Variants in TMEM161B observed in about 807,000 individuals in gnomAD.
TMEM161B encodes transmembrane protein 161B.
TMEM161B carries 34 observed loss-of-function variants against 61.8 expected under a neutral mutation model. The observed-to-expected ratio is 0.55, with a 90% CI of 0.42 to 0.73. TMEM161B has a LOEUF of 0.73. TMEM161B is among the 30% of genes least tolerant of loss of function. The pLI, the probability that TMEM161B is intolerant of heterozygous loss-of-function variation, is 0.00. For synonymous variants in TMEM161B, 167 were observed against 192.8 expected, an observed-to-expected ratio of 0.87 and a Z score of 1.11; for missense variants, 456 against 558.5, an observed-to-expected ratio of 0.82 and a Z score of 1.85.
downstream of TMEM161B, among the ~76,000 whole-genome samples, chr5:88,185,866 C>CA (rs1748334957): frequency 6.6e-6 from 1 of 152,020 alleles, no homozygotes; most frequent in South Asian, 2.1e-4. Context: ...TCAAACAGAC[C>CA]AAAAAATGTT....
chr5:88,214,908 G>A (rs528320668), intron 5 of TMEM161B, among the ~76,000 whole-genome samples: 10 of 152,334 alleles, frequency 6.6e-5, no homozygotes, highest in African/African-American at 2.2e-4. Context: ...GATGACAAGA[G>A]AAGACTCAGT....
intron 5 of TMEM161B, among the ~76,000 whole-genome samples, chr5:88,218,644 C>T (rs1467538310): frequency 6.6e-6 from 1 of 152,042 alleles, no homozygotes; most frequent in Admixed American, 6.6e-5. Context: ...GATGTGATTG[C>T]ACCACTGCAC....
chr5:88,268,765 C>A lies in TMEM161B; in HGVS notation c.-42G>T. 1 of 1,613,850 alleles carries A rather than the reference C, an allele frequency of 6.2e-7. No individual in the cohort carries two copies. Among genetic ancestry groups the A allele is most frequent in the East Asian group, 2.2e-5 (1 of 44,822 alleles). On this transcript the variant is annotated 5_prime_UTR_variant, in exon 1 of 12. Transcript: ENST00000296595. The stretch of plus-strand genomic sequence containing the variant: ...CGTGGACCAGACACCCTGGAGTTGC[C>A]GGGGCAGTCCCAAACCTCTTACCTC...
downstream of TMEM161B, among the ~76,000 whole-genome samples, chr5:88,187,388 T>C (rs1748411195): frequency 6.6e-6 from 1 of 152,094 alleles, no homozygotes; most frequent in Admixed American, 6.5e-5. Context: ...ATTTGGATTG[T>C]GTTGAATTTA....
At chr5:88,194,191 T>G (rs1355440400), downstream of TMEM161B, among the ~76,000 whole-genome samples, 1 of 152,160 alleles carries the variant, frequency 6.6e-6, no homozygotes, top group African/African-American at 2.4e-5. Context: ...GTTTCCATTT[T>G]TATTTCCATG....
rs763171444 is a variant in TMEM161B at position 88,202,930 on chromosome 5, A to AT, written c.914+31dup. 2.6e-5 allele frequency: 36 copies of AT among 1,383,458 alleles called. No homozygotes were observed. In the East Asian group the frequency reaches 2.8e-4, roughly 11 times the overall value. 85.7% of individuals were successfully genotyped at this position (1,383,458 alleles called of 1,614,324 possible). A position where few individuals can be genotyped will look rare whatever the true frequency, so the allele number is the denominator to read the frequency against. The stretch of plus-strand genomic sequence containing the variant: ...AACATTTAGTAAAGCAGTTTTGGTG[A>AT]TAAAAATCAGCCCTCAAATGCCCAT... On this transcript the variant is annotated intron_variant, in intron 9 of 11. Coordinates refer to ENST00000296595, the MANE Select transcript of TMEM161B (RefSeq NM_153354.5).
At chr5:88,206,337 A>T in intron 7 of TMEM161B, 102 bp downstream of exon 7, 1 of 977,034 alleles carries the variant, frequency 1.0e-6, no homozygotes, top group Non-Finnish European at 1.5e-6. Context: ...AGTCCAACTT[A>T]AAACTCTTTA....
intron 1 of TMEM161B, among the ~76,000 whole-genome samples, 171 bp from the exon 2 acceptor site, chr5:88,241,087 A>C (rs1752659675): frequency 6.6e-6 from 1 of 151,872 alleles, no homozygotes; most frequent in Non-Finnish European, 1.5e-5. Flanking sequence ...GCAGATCAAA[A>C]ATATGCAGGA....
intron 8 of TMEM161B, among the ~76,000 whole-genome samples, chr5:88,204,416 C>A (rs1273791644): frequency 1.3e-5 from 2 of 152,140 alleles, no homozygotes; most frequent in African/African-American, 4.8e-5. Flanking sequence ...CTCCAACCAC[C>A]ACCAAATGCT....
In TMEM161B at chr5:88,228,534, C is replaced by CA. The variant is rs750256599; in HGVS notation, c.108-7dup. ...GATGTTGATACCACCTCAAACTAAG[C>CA]AAAAAAAGAATTCTTTTAAATAAAG... On this transcript the variant is annotated splice_region_variant and splice_polypyrimidine_tract_variant and intron_variant, in intron 2 of 11. Transcript: ENST00000296595. 5 of 1,574,088 alleles carry CA rather than the reference C, an allele frequency of 3.2e-6. No individual in the cohort carries two copies. Among genetic ancestry groups the CA allele is most frequent in the Middle Eastern group, 1.7e-4 (1 of 5,922 alleles).
intron 5 of TMEM161B, among the ~76,000 whole-genome samples, chr5:88,218,957 T>C (rs987122084): frequency 8.4e-6 from 1 of 119,324 alleles, no homozygotes; most frequent in African/African-American, 2.6e-5. Context: ...ACATAGAATA[T>C]CTTTAAAAAG....
At chr5:88,212,229 T>C (rs904437034) in intron 5 of TMEM161B, among the ~76,000 whole-genome samples, 8 of 152,092 alleles carry the variant, frequency 5.3e-5, no homozygotes, top group African/African-American at 1.7e-4. Flanking sequence ...AGAAAGAGTA[T>C]AAAATTAAAA....
At position 88,268,792 on chromosome 5, in the gene TMEM161B, C is replaced by T. The variant is rs1396263696; in HGVS notation, c.-69G>A. ...GGGCAGTCCCAAACCTCTTACCTCC[C>T]GGTCCTTGAGCCGAGAGACTCTCAA... On this transcript the variant is annotated 5_prime_UTR_variant, in exon 1 of 12. Transcript: ENST00000296595. 6.2e-7 allele frequency: 1 copy of T among 1,612,402 alleles called. No homozygotes were observed. Among genetic ancestry groups the T allele is most frequent in the Non-Finnish European group, 8.5e-7 (1 of 1,179,014 alleles).
chr5:88,201,972 G>T (rs1744493290), intron 9 of TMEM161B: 2 of 346,878 alleles, frequency 5.8e-6, no homozygotes, highest in Non-Finnish European at 1.2e-5. Flanking sequence ...CGGAGTCAAT[G>T]ACTAGTCAAG....
intron 5 of TMEM161B, among the ~76,000 whole-genome samples, chr5:88,209,875 C>A (rs1246539547): frequency 6.6e-6 from 1 of 152,186 alleles, no homozygotes. Flanking sequence ...CTTCCCTCCT[C>A]CTACCCAATC....
downstream of TMEM161B, among the ~76,000 whole-genome samples, chr5:88,186,193 G>A (rs1044936514): frequency 6.6e-6 from 1 of 152,210 alleles, no homozygotes; most frequent in African/African-American, 2.4e-5. Flanking sequence ...GCACTTTTAA[G>A]AATATAACAC....
intron 5 of TMEM161B, among the ~76,000 whole-genome samples, chr5:88,214,449 T>C (rs1747439442): frequency 6.6e-6 from 1 of 151,722 alleles, no homozygotes; most frequent in African/African-American, 2.4e-5. Context: ...GAAAGATTCT[T>C]GGGAAAAAAA....
chr5:88,245,377 C>T (rs1260391666), intron 1 of TMEM161B, among the ~76,000 whole-genome samples: 1 of 151,820 alleles, frequency 6.6e-6, no homozygotes, highest in Non-Finnish European at 1.5e-5. Flanking sequence ...CTCTTTCAGG[C>T]AGAACAAGAC....
intron 8 of TMEM161B, among the ~76,000 whole-genome samples, chr5:88,204,504 T>C (rs1015949314): frequency 1.3e-5 from 2 of 152,078 alleles, no homozygotes; most frequent in Non-Finnish European, 2.9e-5. Flanking sequence ...AGCAGCAGTA[T>C]TAGGTATGCA....
Sources: allele counts gnomAD v4.1 joint callset (sites outside exome capture counted in the v4.1 genomes callset), GRCh38; gene constraint gnomAD v4.1.1; transcripts MANE v1.5; gene names NCBI Gene and HGNC (gene_info 2026-07-23, HGNC 2026-07-21).